Variants in KHDRBS3 observed in about 807,000 individuals in gnomAD.
The protein encoded by KHDRBS3 is KH domain-containing, RNA-binding, signal transduction-associated protein 3.
KHDRBS3 carries 23 observed loss-of-function variants against 45.6 expected under a neutral mutation model. The observed-to-expected ratio is 0.50, with a 90% CI of 0.36 to 0.72. The LOEUF is 0.72. Ranked by LOEUF, KHDRBS3 falls within the 30% of genes least tolerant of loss-of-function variation. The pLI, the probability that KHDRBS3 is intolerant of heterozygous loss-of-function variation, is 0.00. For synonymous variants in KHDRBS3, 162 were observed against 156.5 expected, an observed-to-expected ratio of 1.04 and a Z score of -0.26; for missense variants, 352 against 424.8, an observed-to-expected ratio of 0.83 and a Z score of 1.51.
rs771697654 is a variant in KHDRBS3, at chr8:135,557,431, T to A, written c.472-17T>A. 73 of 1,568,094 alleles carry A rather than the reference T, an allele frequency of 4.7e-5. No individual in the cohort carries two copies. The highest frequency in any genetic ancestry group is 6.2e-5 in the Non-Finnish European group (71 of 1,153,168). On this transcript the variant is annotated splice_polypyrimidine_tract_variant and intron_variant, in intron 4 of 8. Coordinates refer to ENST00000355849, the MANE Select transcript of KHDRBS3 (RefSeq NM_006558.3). ...CTAATATGAAGTGAATTTTGCTATC[T>A]TCTGTCTTTTGTGTAGGATTATAAT...
At chr8:135,635,585 A>G (rs1830777969) in intron 7 of KHDRBS3, among the ~76,000 whole-genome samples, 1 of 152,164 alleles carries the variant, frequency 6.6e-6, no homozygotes, top group Admixed American at 6.5e-5. Context: ...GGTTCACCAC[A>G]TTAGCCAGGC....
intron 7 of KHDRBS3, among the ~76,000 whole-genome samples, chr8:135,610,992 T>C (rs1194067947): frequency 6.6e-6 from 1 of 151,930 alleles, no homozygotes; most frequent in African/African-American, 2.4e-5. Flanking sequence ...GAAGGCTGGA[T>C]TGGCAGATGG....
chr8:135,581,561 G>A (rs184984821), intron 5 of KHDRBS3, among the ~76,000 whole-genome samples: 2 of 152,148 alleles, frequency 1.3e-5, no homozygotes, highest in African/African-American at 4.8e-5. Context: ...TGAAGTTTGG[G>A]TGTAATCCTG....
intron 1 of KHDRBS3, among the ~76,000 whole-genome samples, chr8:135,459,461 A>G (rs1365999422): frequency 2.6e-5 from 4 of 152,226 alleles, no homozygotes; most frequent in African/African-American, 7.2e-5. Context: ...TTTTATTTCT[A>G]TGCCCTCTGA....
At chr8:135,632,637 C>T (rs1478524670) in intron 7 of KHDRBS3, among the ~76,000 whole-genome samples, 1 of 152,084 alleles carries the variant, frequency 6.6e-6, no homozygotes, top group African/African-American at 2.4e-5. Flanking sequence ...ATCCTCTTCC[C>T]TTTCTCTATA....
At chr8:135,494,273 ATTTTTTTTT>A (rs386414089) in intron 1 of KHDRBS3, among the ~76,000 whole-genome samples, 1 of 78,624 alleles carries the variant, frequency 1.3e-5, no homozygotes, top group African/African-American at 5.7e-5. Flanking sequence ...TGTTTCTCTT[ATTTTTTTTT>A]TTTTTTTTTT....
chr8:135,586,810 TC>T (rs1443928484), intron 6 of KHDRBS3, among the ~76,000 whole-genome samples: 2 of 152,224 alleles, frequency 1.3e-5, no homozygotes, highest in South Asian at 2.1e-4. Flanking sequence ...AAATTTACTA[TC>T]TGAGGCCATT....
intron 1 of KHDRBS3, among the ~76,000 whole-genome samples, chr8:135,485,400 C>T (rs575831941): frequency 3.1e-4 from 47 of 152,118 alleles, no homozygotes; most frequent in African/African-American, 1.0e-3. Flanking sequence ...GGTATCTACA[C>T]GGTAGAGAAG....
At chr8:135,519,201 G>A (rs925078751) in intron 1 of KHDRBS3, among the ~76,000 whole-genome samples, 10 of 151,928 alleles carry the variant, frequency 6.6e-5, no homozygotes, top group Non-Finnish European at 8.8e-5. Flanking sequence ...GCTTCCTTCC[G>A]TCTCCCCCAT....
Position 135,583,073 on chromosome 8 carries a change from C to T in KHDRBS3, c.807+1000C>T, listed in dbSNP as rs537664375. Among the ~76,000 whole-genome samples, 8 of 152,284 alleles carry T rather than the reference C, an allele frequency of 5.3e-5. No individual in the cohort carries two copies. In the South Asian group the frequency reaches 1.7e-3, roughly 32 times the overall value. Reference sequence around the variant, plus strand: ...GTTCTTATGTTTCATTTGACTGTCTCCTTGTGTCCTTCTACACGTAGGTCA... The same window carrying T: ...GTTCTTATGTTTCATTTGACTGTCTTCTTGTGTCCTTCTACACGTAGGTCA... On this transcript the variant is annotated intron_variant, in intron 6 of 8. Coordinates refer to ENST00000355849, the MANE Select transcript of KHDRBS3 (RefSeq NM_006558.3).
intron 1 of KHDRBS3, among the ~76,000 whole-genome samples, chr8:135,464,784 C>A (rs1821614047): frequency 6.6e-6 from 1 of 152,078 alleles, no homozygotes; most frequent in African/African-American, 2.4e-5. Context: ...GATGAGAAAA[C>A]CGAGGTCAGG....
chr8:135,613,285 AT>A (rs1411288292), intron 7 of KHDRBS3, among the ~76,000 whole-genome samples: 1 of 151,852 alleles, frequency 6.6e-6, no homozygotes, highest in Non-Finnish European at 1.5e-5. Context: ...TGACGGACCT[AT>A]GGTCAGACGC....
At chr8:135,619,072 A>G (rs925836427) in intron 7 of KHDRBS3, among the ~76,000 whole-genome samples, 1 of 152,186 alleles carries the variant, frequency 6.6e-6, no homozygotes, top group Non-Finnish European at 1.5e-5. Context: ...GTAAAGGCAT[A>G]AATGCTTTGC....
intron 1 of KHDRBS3, among the ~76,000 whole-genome samples, chr8:135,490,420 C>T (rs1823089831): frequency 6.6e-6 from 1 of 152,220 alleles, no homozygotes; most frequent in Non-Finnish European, 1.5e-5. Context: ...GGGAGAAGCT[C>T]CTGCCATTCC....
chr8:135,568,825 G>A (rs1827556257), intron 5 of KHDRBS3, among the ~76,000 whole-genome samples: 1 of 152,154 alleles, frequency 6.6e-6, no homozygotes, highest in African/African-American at 2.4e-5. Context: ...TTGCTGACCA[G>A]CTTTTGAATG....
At chr8:135,552,981 G>A (rs145532657) in intron 4 of KHDRBS3, among the ~76,000 whole-genome samples, 150 of 152,234 alleles carry the variant, frequency 9.9e-4, no homozygotes, top group African/African-American at 3.3e-3. Context: ...TGTCTCCGCT[G>A]CATATATGTG....
chr8:135,591,575 G>A (rs1162275710), intron 6 of KHDRBS3, among the ~76,000 whole-genome samples: 1 of 152,178 alleles, frequency 6.6e-6, no homozygotes, highest in African/African-American at 2.4e-5. Flanking sequence ...CATAAATGGT[G>A]CCCTCATCTG....
chr8:135,568,061 A>T (rs1827515776), intron 5 of KHDRBS3, among the ~76,000 whole-genome samples: 1 of 152,196 alleles, frequency 6.6e-6, no homozygotes. Context: ...GCCCTGTGTA[A>T]TGCGGTTACT....
chr8:135,482,891 T>C (rs1469957662), intron 1 of KHDRBS3, among the ~76,000 whole-genome samples: 3 of 152,182 alleles, frequency 2.0e-5, no homozygotes, highest in Non-Finnish European at 4.4e-5. Flanking sequence ...CTTATTAAAC[T>C]AGTGCCTGGC....
Sources: gnomAD v4.1 joint callset for allele counts (sites outside exome capture counted in the v4.1 genomes callset) on GRCh38, gnomAD v4.1.1 for gene constraint, MANE v1.5 for transcripts, NCBI Gene and HGNC (gene_info 2026-07-23, HGNC 2026-07-21) for gene names.